NBAS: variants seen among roughly 807,000 people sequenced by gnomAD.
The protein encoded by NBAS is NBAS subunit of NRZ tethering complex, also known as NAG/BC035112 fusion.
NBAS carries 219 observed loss-of-function variants against 302.5 expected under a neutral mutation model. The observed-to-expected ratio is 0.72, with a 90% CI of 0.65 to 0.81. The LOEUF is 0.81. Ranked by LOEUF, NBAS falls within the 30% of genes least tolerant of loss-of-function variation. The pLI is 0.00. For missense variants in NBAS, 2,932 were observed against 2,841.6 expected (o/e 1.03, Z -0.72); for synonymous variants, 1,118 against 1,021.6 (o/e 1.09, Z -1.80).
intron 38 of NBAS, among the ~76,000 whole-genome samples, chr2:15,324,942 G>A (rs570630537): frequency 6.6e-6 from 1 of 152,222 alleles, no homozygotes; most frequent in South Asian, 2.1e-4. Context: ...GAAAACAGGA[G>A]GCCGACTAAC....
chr2:15,194,765 C>G (rs1436217045), intron 48 of NBAS, among the ~76,000 whole-genome samples: 1 of 152,020 alleles, frequency 6.6e-6, no homozygotes, highest in African/African-American at 2.4e-5. Flanking sequence ...AGGGACTGAC[C>G]CAAATATGGA....
chr2:15,295,806 C>G lies in NBAS; in HGVS notation c.4798-3040G>C, dbSNP rs537984650. Among the ~76,000 whole-genome samples, 5 of 152,218 alleles carry G rather than the reference C, an allele frequency of 3.3e-5. No homozygotes were observed. The South Asian group carries it at 8.3e-4, about 25-fold the overall frequency. Reference sequence around the variant, plus strand: ...TGGACTGGCTTTGAAGTCTGTAGTACTGGTTGATATTGCAGCTTCCCCACT... The same window carrying G: ...TGGACTGGCTTTGAAGTCTGTAGTAGTGGTTGATATTGCAGCTTCCCCACT... On this transcript the variant is annotated intron_variant, in intron 40 of 51. Coordinates refer to ENST00000281513, the MANE Select transcript of NBAS (RefSeq NM_015909.4).
chr2:15,328,589 G>T (rs1672182852), intron 36 of NBAS, among the ~76,000 whole-genome samples: 1 of 152,106 alleles, frequency 6.6e-6, no homozygotes, highest in Admixed American at 6.6e-5. Flanking sequence ...TGACATCAAT[G>T]AATTAGAAAC....
intron 21 of NBAS, among the ~76,000 whole-genome samples, chr2:15,448,883 A>T (rs1678875755): frequency 6.6e-6 from 1 of 152,228 alleles, no homozygotes; most frequent in South Asian, 2.1e-4. Flanking sequence ...AGTTTTACAT[A>T]CTAATGAAAT....
chr2:15,470,440 C>T (rs556633292), intron 16 of NBAS, among the ~76,000 whole-genome samples: 1 of 152,308 alleles, frequency 6.6e-6, no homozygotes, highest in South Asian at 2.1e-4. Flanking sequence ...GGTTGATGTA[C>T]AGAGCTCATT....
At chr2:14,977,836 T>C in the NBAS span, among the ~76,000 whole-genome samples, 1 of 152,228 alleles carries the variant, frequency 6.6e-6, no homozygotes, top group South Asian at 2.1e-4. Flanking sequence ...TTGGCCTTAT[T>C]GGCCTTACTC....
chr2:15,443,308 T>A (rs1041282388), intron 21 of NBAS, among the ~76,000 whole-genome samples: 6 of 150,436 alleles, frequency 4.0e-5, no homozygotes, highest in Non-Finnish European at 8.9e-5. Flanking sequence ...TCCACCATGA[T>A]CAAGTGGGCT....
At chr2:14,783,589 C>T in the NBAS span, among the ~76,000 whole-genome samples, 1 of 150,280 alleles carries the variant, frequency 6.7e-6, no homozygotes, top group South Asian at 2.1e-4. Context: ...TTTGTCCTTG[C>T]AATAGTTTAC....
Position 15,328,275 on chromosome 2 carries a change from G to C in NBAS, c.4385C>G (p.Thr1462Arg). 1 of 1,613,930 alleles carries C rather than the reference G, an allele frequency of 6.2e-7. No homozygotes were observed. Among genetic ancestry groups the C allele is most frequent in the Non-Finnish European group, 8.5e-7 (1 of 1,179,934 alleles). Residue 1462 changes from threonine to arginine, a missense_variant, in exon 37 of 52, where the codon ACA becomes AGA. Coordinates refer to ENST00000281513, the MANE Select transcript of NBAS (RefSeq NM_015909.4). ...KCGGAYQIGT[T>R]ANEDLEKQGC... ...TTGTTTCTCTAGATCTTCATTGGCTGTAGTTCCGATTTGATATGCACCACC... is the reference window on the plus strand; with the variant it reads ...TTGTTTCTCTAGATCTTCATTGGCTCTAGTTCCGATTTGATATGCACCACC...
chr2:15,009,616 AC>A, the NBAS span, among the ~76,000 whole-genome samples: 4 of 145,896 alleles, frequency 2.7e-5, no homozygotes, highest in African/African-American at 1.1e-4. Flanking sequence ...ACACACACAC[AC>A]ACACACACAC....
the NBAS span, among the ~76,000 whole-genome samples, chr2:15,063,534 C>T: frequency 3.3e-5 from 5 of 151,938 alleles, no homozygotes; most frequent in African/African-American, 4.8e-5. Context: ...ATTGTTTCCC[C>T]TTTCCCAAAA....
At chr2:15,343,062 T>C (rs1386914605) in intron 35 of NBAS, among the ~76,000 whole-genome samples, 1 of 152,134 alleles carries the variant, frequency 6.6e-6, no homozygotes, top group African/African-American at 2.4e-5. Flanking sequence ...TATCAGGTTC[T>C]CCTTTCCAGA....
At chr2:15,151,958 G>A in the NBAS span, among the ~76,000 whole-genome samples, 3 of 151,968 alleles carry the variant, frequency 2.0e-5, no homozygotes, top group African/African-American at 7.3e-5. Flanking sequence ...AGTGATTCTT[G>A]TGCCTTGGCC....
chr2:15,350,555 G>T (rs1673304008), intron 35 of NBAS, among the ~76,000 whole-genome samples: 1 of 152,148 alleles, frequency 6.6e-6, no homozygotes, highest in Non-Finnish European at 1.5e-5. Context: ...ACCAAAAGAA[G>T]ACAGGTTTCA....
chr2:15,040,785 A>G, the NBAS span, among the ~76,000 whole-genome samples: 1 of 152,158 alleles, frequency 6.6e-6, no homozygotes, highest in Non-Finnish European at 1.5e-5. Flanking sequence ...TTTGCTACCC[A>G]TAAATCCCAG....
the NBAS span, among the ~76,000 whole-genome samples, chr2:14,840,998 A>C: frequency 6.6e-6 from 1 of 151,974 alleles, no homozygotes; most frequent in African/African-American, 2.4e-5. Flanking sequence ...AGGCAATATA[A>C]AAATATGTAA....
the NBAS span, among the ~76,000 whole-genome samples, chr2:14,964,432 A>G: frequency 6.6e-6 from 1 of 152,198 alleles, no homozygotes; most frequent in Non-Finnish European, 1.5e-5. Context: ...ATGGCATAGC[A>G]GTCACAACTA....
chr2:15,559,580 T>C (rs570399967), intron 1 of NBAS, among the ~76,000 whole-genome samples: 25 of 152,326 alleles, frequency 1.6e-4, no homozygotes, highest in Admixed American at 4.6e-4. Flanking sequence ...ATGAATTGAT[T>C]GTTGGATTCA....
chr2:15,338,782 G>T (rs1672716179), intron 35 of NBAS, among the ~76,000 whole-genome samples: 1 of 152,028 alleles, frequency 6.6e-6, no homozygotes, highest in Non-Finnish European at 1.5e-5. Context: ...GGCTGAAGCA[G>T]GAGGGTCACT....
Sources: allele counts gnomAD v4.1 joint callset (sites outside exome capture counted in the v4.1 genomes callset), GRCh38; gene constraint gnomAD v4.1.1; transcripts MANE v1.5; gene names NCBI Gene and HGNC (gene_info 2026-07-23, HGNC 2026-07-21).